Variants in ANK3 observed in about 807,000 individuals in gnomAD.
ANK3 encodes the protein ankyrin 3, also known as ankyrin-3.
In ANK3, 57 loss-of-function variants were observed where a neutral mutation model predicts 370.9. The ratio of observed to expected loss-of-function variants is 0.15; its 90% CI spans 0.12 to 0.19. ANK3 has a LOEUF of 0.19. Among genes scored for constraint, ANK3 ranks in the 10% least tolerant of loss-of-function variants. The pLI, the probability that ANK3 is intolerant of heterozygous loss-of-function variation, is 1.00. For missense variants in ANK3, 4,439 were observed against 5,302.1 expected (o/e 0.84, Z 5.06); for synonymous variants, 1,929 against 1,946.3 (o/e 0.99, Z 0.23).
At chr10:60,141,709 A>C (rs955011524) in intron 23 of ANK3, among the ~76,000 whole-genome samples, 1 of 151,220 alleles carries the variant, frequency 6.6e-6, no homozygotes, top group African/African-American at 2.4e-5. Context: ...TCCCCTTGGA[A>C]TGTTACCTAA....
At chr10:60,553,674 G>T (rs568440475) in intron 2 of ANK3, among the ~76,000 whole-genome samples, 7 of 152,136 alleles carry the variant, frequency 4.6e-5, no homozygotes, top group Non-Finnish European at 1.0e-4. Flanking sequence ...CCTGGGGCAG[G>T]GGGAGGAGGT....
intron 2 of ANK3, among the ~76,000 whole-genome samples, chr10:60,509,803 C>A (rs992755283): frequency 6.6e-6 from 1 of 152,108 alleles, no homozygotes; most frequent in Admixed American, 6.6e-5. Context: ...TATTATTTGT[C>A]CTTAGATGAA....
intron 25 of ANK3, among the ~76,000 whole-genome samples, chr10:60,120,537 A>C (rs577438259): frequency 7.7e-4 from 117 of 152,318 alleles, no homozygotes; most frequent in African/African-American, 2.8e-3. Flanking sequence ...CAACCCACAG[A>C]ATGGGAGAAT....
At chr10:60,634,334 T>A (rs2078523194) in intron 1 of ANK3, among the ~76,000 whole-genome samples, 1 of 152,158 alleles carries the variant, frequency 6.6e-6, no homozygotes, top group Non-Finnish European at 1.5e-5. Context: ...TAAACCAACT[T>A]GTTTATGATT....
At chr10:60,546,476 T>C (rs1384595811) in intron 2 of ANK3, among the ~76,000 whole-genome samples, 1 of 152,246 alleles carries the variant, frequency 6.6e-6, no homozygotes, top group Non-Finnish European at 1.5e-5. Context: ...TAAAAGGATC[T>C]ACAGAAATGA....
In ANK3 at chr10:60,628,187, T is replaced by C. The variant is rs535846983; in HGVS notation, c.58-12963A>G. ...ATCCATTAAGTTACTAATTCCCTTATCTGTAAAACTATCAGGACTATGTCA... is the reference window on the plus strand; with the variant it reads ...ATCCATTAAGTTACTAATTCCCTTACCTGTAAAACTATCAGGACTATGTCA... On this transcript the variant is annotated intron_variant, in intron 1 of 43. Coordinates refer to the ANK3 transcript ENST00000373827. 1.2e-3 allele frequency among the ~76,000 whole-genome samples: 183 copies of C among 152,304 alleles called. 1 individual carries two copies. Among genetic ancestry groups the C allele is most frequent in the African/African-American group, 4.3e-3 (179 of 41,576 alleles).
chr10:60,391,822 C>T (rs990178341), upstream of ANK3, among the ~76,000 whole-genome samples: 2 of 152,228 alleles, frequency 1.3e-5, no homozygotes, highest in African/African-American at 4.8e-5. Flanking sequence ...TAACTCTTTG[C>T]TTCCCCCAAA....
At chr10:60,324,137 G>A (rs2049270006) in intron 1 of ANK3, among the ~76,000 whole-genome samples, 1 of 152,206 alleles carries the variant, frequency 6.6e-6, no homozygotes, top group Non-Finnish European at 1.5e-5. Context: ...ACTACAGAGA[G>A]AAATATGAAA....
chr10:60,597,602 C>T (rs2078006074), intron 2 of ANK3, among the ~76,000 whole-genome samples: 1 of 152,132 alleles, frequency 6.6e-6, no homozygotes, highest in Admixed American at 6.6e-5. Flanking sequence ...TGTCATCTCC[C>T]TTTGCTTAAA....
At chr10:60,552,567 A>G (rs1292741594) in intron 2 of ANK3, among the ~76,000 whole-genome samples, 1 of 152,222 alleles carries the variant, frequency 6.6e-6, no homozygotes, top group African/African-American at 2.4e-5. Flanking sequence ...CTGTTCATGT[A>G]TCAGTCATGA....
At chr10:60,250,591 T>G (rs1042617061) in intron 7 of ANK3, among the ~76,000 whole-genome samples, 5 of 152,174 alleles carry the variant, frequency 3.3e-5, no homozygotes, top group African/African-American at 9.7e-5. Flanking sequence ...GGTCTCGATC[T>G]CCTGACCTTG....
chr10:60,234,766 A>G lies in ANK3; in HGVS notation c.819T>C (p.His273=), dbSNP rs779667965. The change falls in exon 8 of 44, where the codon CAT becomes CAC. Residue 273 remains histidine (H), a synonymous_variant. Transcript: ENST00000280772. Reference sequence around the variant, plus strand: ...TTGCATTTCCTCTTTTTGATGCAACATGTAAAGGAGTGATGTCATTCTGGG... The same window carrying G: ...TTGCATTTCCTCTTTTTGATGCAACGTGTAAAGGAGTGATGTCATTCTGGG... The part of the protein sequence containing the change: ...FTARNDITPL[H]VASKRGNANM... The G allele has an allele frequency of 1.9e-6, 3 of 1,611,524 alleles. No individual in the cohort carries two copies. The highest frequency in any genetic ancestry group is 2.2e-5 in the East Asian group (1 of 44,842).
intron 2 of ANK3, among the ~76,000 whole-genome samples, chr10:60,478,798 G>C (rs2075136732): frequency 6.6e-6 from 1 of 151,952 alleles, no homozygotes; most frequent in Non-Finnish European, 1.5e-5. Flanking sequence ...CAAAAGACCT[G>C]GATTACAGTA....
At chr10:60,088,839 A>C (rs1184059855) in intron 28 of ANK3, among the ~76,000 whole-genome samples, 2 of 152,176 alleles carry the variant, frequency 1.3e-5, no homozygotes, top group African/African-American at 2.4e-5. Context: ...ATATTATAAA[A>C]CTATTAATAT....
intron 1 of ANK3, among the ~76,000 whole-genome samples, chr10:60,362,236 AAAC>A (rs1211296582): frequency 6.6e-6 from 1 of 152,246 alleles, no homozygotes; most frequent in East Asian, 1.9e-4. Context: ...TGCTAGAAAA[AAAC>A]AAAAAACAAC....
At chr10:60,366,757 T>C (rs1227604576) in intron 1 of ANK3, among the ~76,000 whole-genome samples, 1 of 152,134 alleles carries the variant, frequency 6.6e-6, no homozygotes, top group African/African-American at 2.4e-5. Flanking sequence ...ACTATCCTTT[T>C]TCACAGAGTT....
At chr10:60,171,555 A>G (rs1165012124) in intron 21 of ANK3, among the ~76,000 whole-genome samples, 1 of 152,222 alleles carries the variant, frequency 6.6e-6, no homozygotes, top group African/African-American at 2.4e-5. Context: ...CCTCAGGTCT[A>G]TGTGTTGAGT....
chr10:60,313,744 GA>G (rs2046835406), intron 1 of ANK3, among the ~76,000 whole-genome samples: 2 of 152,080 alleles, frequency 1.3e-5, no homozygotes, highest in Admixed American at 1.3e-4. Flanking sequence ...AGTCCCAAAT[GA>G]AACACAAGAA....
intron 1 of ANK3, among the ~76,000 whole-genome samples, chr10:60,716,142 C>G (rs2079784340): frequency 6.6e-6 from 1 of 151,926 alleles, no homozygotes; most frequent in South Asian, 2.1e-4. Flanking sequence ...ATCATTAATA[C>G]TATCGCTCAT....
Sources: allele counts gnomAD v4.1 joint callset (sites outside exome capture counted in the v4.1 genomes callset), GRCh38; gene constraint gnomAD v4.1.1; transcripts MANE v1.5; gene names NCBI Gene and HGNC (gene_info 2026-07-23, HGNC 2026-07-21).